APBA2: variants seen among roughly 807,000 people sequenced by gnomAD.
APBA2 encodes amyloid-beta A4 precursor protein-binding family A member 2.
APBA2 carries 30 observed loss-of-function variants against 75.0 expected under a neutral mutation model. The observed-to-expected ratio is 0.40, with a 90% CI of 0.30 to 0.54. The LOEUF (loss-of-function observed/expected upper bound fraction) is 0.54, where lower values mean the gene tolerates loss of function less well. Among genes scored for constraint, APBA2 ranks in the 20% least tolerant of loss-of-function variants. The pLI is 0.49. For missense variants in APBA2, 801 were observed against 1,016.1 expected, an observed-to-expected ratio of 0.79 and a Z score of 2.88; for synonymous variants, 444 against 409.6, an observed-to-expected ratio of 1.08 and a Z score of -1.01.
At chr15:29,105,087 G>A (rs2044326688) in intron 10 of APBA2, among the ~76,000 whole-genome samples, 1 of 152,150 alleles carries the variant, frequency 6.6e-6, no homozygotes, top group Admixed American at 6.5e-5. Flanking sequence ...AAACAGCTTT[G>A]ACCTGGAGCA....
intron 3 of APBA2, among the ~76,000 whole-genome samples, chr15:29,029,577 C>T (rs1358733827): frequency 6.6e-6 from 1 of 151,916 alleles, no homozygotes; most frequent in African/African-American, 2.4e-5. Context: ...GATGGGAACC[C>T]CAGGGGGAGC....
At chr15:29,013,579 C>G (rs1248894595) in intron 3 of APBA2, among the ~76,000 whole-genome samples, 1 of 152,132 alleles carries the variant, frequency 6.6e-6, no homozygotes, top group Non-Finnish European at 1.5e-5. Flanking sequence ...CCGCCCCCGG[C>G]CGAAAATGAG....
At chr15:29,015,304 A>G (rs1322250966) in intron 3 of APBA2, among the ~76,000 whole-genome samples, 2 of 152,160 alleles carry the variant, frequency 1.3e-5, no homozygotes, top group African/African-American at 2.4e-5. Flanking sequence ...CACACTGTCA[A>G]TGAGTGCCTG....
intron 1 of APBA2, among the ~76,000 whole-genome samples, chr15:28,895,119 C>T (rs1227476772): frequency 1.3e-5 from 2 of 152,212 alleles, no homozygotes; most frequent in Non-Finnish European, 2.9e-5. Context: ...CATGACAAAC[C>T]GTTCATCACA....
chr15:29,056,895 A>G (rs2041925043), intron 4 of APBA2, among the ~76,000 whole-genome samples: 1 of 151,998 alleles, frequency 6.6e-6, no homozygotes, highest in African/African-American at 2.4e-5. Context: ...CGTAGAATTC[A>G]TCTTGAAAGC....
intron 6 of APBA2, among the ~76,000 whole-genome samples, chr15:29,079,026 A>T (rs904323770): frequency 7.9e-5 from 12 of 152,140 alleles, no homozygotes; most frequent in Admixed American, 7.9e-4. Context: ...CTGTATCTAG[A>T]TGGGAAAATT....
intron 3 of APBA2, among the ~76,000 whole-genome samples, chr15:29,050,842 A>G (rs1333021389): frequency 6.6e-6 from 1 of 152,232 alleles, no homozygotes; most frequent in Non-Finnish European, 1.5e-5. Flanking sequence ...AAGGATGTGC[A>G]TACCTTCAAC....
intron 13 of APBA2, chr15:29,108,724 C>G: frequency 2.2e-6 from 1 of 462,642 alleles, no homozygotes; most frequent in Non-Finnish European, 4.0e-6. Flanking sequence ...TGTGGCATCA[C>G]TTACTGTGCT....
chr15:28,892,403 A>C (rs537567339), intron 1 of APBA2, among the ~76,000 whole-genome samples: 6 of 152,154 alleles, frequency 3.9e-5, no homozygotes, highest in African/African-American at 1.4e-4. Context: ...CCATATTTTT[A>C]CTGTGCCTTT....
At chr15:28,922,494 C>G in intron 2 of APBA2, among the ~76,000 whole-genome samples, 1 of 152,160 alleles carries the variant, frequency 6.6e-6, no homozygotes, top group East Asian at 1.9e-4. Context: ...TCTTCTACAG[C>G]CAGCCATTGT....
intron 4 of APBA2, among the ~76,000 whole-genome samples, chr15:29,073,607 C>T (rs1484327544): frequency 6.6e-6 from 1 of 152,246 alleles, no homozygotes; most frequent in Non-Finnish European, 1.5e-5. Context: ...CTGCCTTGGC[C>T]TCCCAAAGTA....
intron 4 of APBA2, among the ~76,000 whole-genome samples, chr15:29,058,034 A>G (rs570057081): frequency 3.3e-5 from 5 of 151,814 alleles, no homozygotes; most frequent in Admixed American, 1.3e-4. Flanking sequence ...TCTTTAGTAC[A>G]TTTTCTTTTG....
At chr15:29,070,323 T>A (rs112633746) in intron 4 of APBA2, among the ~76,000 whole-genome samples, 2,464 of 152,314 alleles carry the variant, frequency 0.016, 54 homozygotes, top group African/African-American at 0.057. Context: ...ATAAATATGT[T>A]CCATGAGATG....
chr15:29,070,582 G>A (rs186688351), intron 4 of APBA2: 22 of 159,110 alleles, frequency 1.4e-4, no homozygotes, highest in Admixed American at 1.1e-3. Flanking sequence ...ATTGTAAAGA[G>A]GAGTGGAAGG....
At chr15:28,956,168 G>A (rs1033110714) in intron 2 of APBA2, among the ~76,000 whole-genome samples, 78 of 152,148 alleles carry the variant, frequency 5.1e-4, no homozygotes, top group African/African-American at 1.9e-3. Context: ...TATGTGCTGT[G>A]GTAACAGAAG....
chr15:28,997,858 C>T (rs2038615976), intron 3 of APBA2, among the ~76,000 whole-genome samples: 1 of 152,180 alleles, frequency 6.6e-6, no homozygotes, highest in Admixed American at 6.5e-5. Context: ...TTCCCAATTG[C>T]TCTCACCCAT....
At chr15:29,036,706 G>A (rs2040770873) in intron 3 of APBA2, among the ~76,000 whole-genome samples, 1 of 152,176 alleles carries the variant, frequency 6.6e-6, no homozygotes, top group Non-Finnish European at 1.5e-5. Flanking sequence ...TCTTACAGTG[G>A]TAACATTTGT....
At chr15:29,001,523 C>G (rs2038845093) in intron 3 of APBA2, among the ~76,000 whole-genome samples, 1 of 152,180 alleles carries the variant, frequency 6.6e-6, no homozygotes, top group Non-Finnish European at 1.5e-5. Context: ...TAGAAATGTT[C>G]AGAAGCTCAC....
At position 29,101,646 on chromosome 15, in the gene APBA2, C is replaced by T. The variant is rs1308083626; in HGVS notation, c.1386C>T (p.Asp462=). 1 of 1,613,626 alleles carries T rather than the reference C, an allele frequency of 6.2e-7. No individual in the cohort carries two copies. Among genetic ancestry groups the T allele is most frequent in the African/African-American group, 1.3e-5 (1 of 74,946 alleles). Residue 462 remains aspartate, a synonymous_variant, in exon 10 of 15, where the codon GAC becomes GAT. Coordinates refer to ENST00000683413, the MANE Select transcript of APBA2 (RefSeq NM_001353788.2). ...HALRTISYIA[D]IGNIVVLMAR... ...TGCGTACCATCTCCTACATCGCCGA[C>T]ATTGGGAACATTGTAGTGCTGATGG...
Sources: gnomAD v4.1 joint callset for allele counts (sites outside exome capture counted in the v4.1 genomes callset) on GRCh38, gnomAD v4.1.1 for gene constraint, MANE v1.5 for transcripts, NCBI Gene and HGNC (gene_info 2026-07-23, HGNC 2026-07-21) for gene names.